The following PTPN3 variants were observed in gnomAD, a reference collection of about 807,000 sequenced individuals.
The protein encoded by PTPN3 is protein tyrosine phosphatase non-receptor type 3.
A neutral mutation model predicts 132.7 loss-of-function variants in PTPN3; 96 were observed. The ratio of observed to expected loss-of-function variants is 0.72; its 90% CI spans 0.61 to 0.86. The LOEUF (loss-of-function observed/expected upper bound fraction) is 0.86, where lower values mean the gene tolerates loss of function less well. Among genes scored for constraint, PTPN3 ranks in the 40% least tolerant of loss-of-function variants. The pLI, the probability that PTPN3 is intolerant of heterozygous loss-of-function variation, is 0.00. For synonymous variants in PTPN3, 398 were observed against 429.0 expected, an observed-to-expected ratio of 0.93 and a Z score of 0.89; for missense variants, 1,125 against 1,159.6, an observed-to-expected ratio of 0.97 and a Z score of 0.43.
In PTPN3 at chr9:109,407,961, C is replaced by T. The variant is rs544171078; in HGVS notation, c.1635+360G>A. Among the ~76,000 whole-genome samples the T allele has an allele frequency of 2.0e-5, 3 of 152,300 alleles. No homozygotes were observed. The East Asian group carries it at 5.8e-4, about 29-fold the overall frequency. Reference sequence around the variant, plus strand: ...AAGATGGTGAGAAGAGGCACAGGGCCCACGTGCCCACTTAGAGTGAGCAGA... The same window carrying T: ...AAGATGGTGAGAAGAGGCACAGGGCTCACGTGCCCACTTAGAGTGAGCAGA... On this transcript the variant is annotated intron_variant, in intron 17 of 25. Coordinates refer to ENST00000374541, the MANE Select transcript of PTPN3 (RefSeq NM_002829.4).
intron 21 of PTPN3, among the ~76,000 whole-genome samples, chr9:109,389,640 A>G (rs1839896121): frequency 6.6e-6 from 1 of 152,244 alleles, no homozygotes; most frequent in Non-Finnish European, 1.5e-5. Flanking sequence ...GTGAGATGGC[A>G]GAAGAGTTTA....
chr9:109,473,464 A>C (rs1368420940), intron 1 of PTPN3, among the ~76,000 whole-genome samples: 1 of 152,240 alleles, frequency 6.6e-6, no homozygotes, highest in African/African-American at 2.4e-5. Context: ...AAAACTAACA[A>C]AATAAAAGTT....
At chr9:109,405,285 AG>A (rs1276693951) in intron 18 of PTPN3, among the ~76,000 whole-genome samples, 1 of 152,054 alleles carries the variant, frequency 6.6e-6, no homozygotes, top group Non-Finnish European at 1.5e-5. Context: ...CTCACGGAGG[AG>A]GTGGGGTCAG....
At chr9:109,523,453 A>G in the PTPN3 span, among the ~76,000 whole-genome samples, 8 of 150,898 alleles carry the variant, frequency 5.3e-5, no homozygotes, top group African/African-American at 2.0e-4. Flanking sequence ...ATGGCTTGAT[A>G]GTCGCATACC....
rs373324462 is a variant in PTPN3 at position 109,472,416 on chromosome 9, T to C, written c.-17-8965A>G. 2.0e-5 allele frequency among the ~76,000 whole-genome samples: 3 copies of C among 152,386 alleles called. No homozygotes were observed. In the South Asian group the frequency reaches 6.2e-4, roughly 32 times the overall value. ...TATCAGGCTTTGAAAATGTTCTTTT[T>C]AAAAATGTTATTTAATATTTTCTGT... On this transcript the variant is annotated intron_variant, in intron 1 of 25. Coordinates refer to ENST00000374541, the MANE Select transcript of PTPN3 (RefSeq NM_002829.4).
At chr9:109,463,764 T>C (rs1845964326) in intron 1 of PTPN3, among the ~76,000 whole-genome samples, 1 of 152,230 alleles carries the variant, frequency 6.6e-6, no homozygotes, top group Admixed American at 6.5e-5. Flanking sequence ...TTTATGTATT[T>C]GTGTTCTACC....
chr9:109,486,451 AG>A (rs34039803), intron 1 of PTPN3, among the ~76,000 whole-genome samples: 1 of 152,096 alleles, frequency 6.6e-6, no homozygotes, highest in Non-Finnish European at 1.5e-5. Context: ...GGAGTGGAAA[AG>A]GGGAGTGGGC....
chr9:109,424,142 ACT>A (rs984763929), intron 12 of PTPN3, among the ~76,000 whole-genome samples: 4 of 151,920 alleles, frequency 2.6e-5, no homozygotes, highest in African/African-American at 9.7e-5. Flanking sequence ...ATTAATAGGG[ACT>A]CTCTGAAAAA....
In PTPN3 at chr9:109,382,300, A is replaced by G. The variant is rs1490866156; in HGVS notation, c.2528+2T>C. On this transcript the variant is annotated splice_donor_variant, in intron 24 of 25. Coordinates refer to ENST00000374541, the MANE Select transcript of PTPN3 (RefSeq NM_002829.4). LOFTEE classifies it high-confidence loss of function. The stretch of plus-strand genomic sequence containing the variant: ...AACCTAACAAAACAGCAAGCGCCAT[A>G]CCTGCAGTGAACTAGGACGGGCTCG... 6.2e-7 allele frequency: 1 copy of G among 1,613,794 alleles called. No individual in the cohort carries two copies. Among genetic ancestry groups the G allele is most frequent in the Admixed American group, 1.7e-5 (1 of 60,000 alleles).
chr9:109,391,372 C>T (rs1840073551), intron 20 of PTPN3, 99 bp downstream of exon 20: 1 of 1,363,162 alleles, frequency 7.3e-7, no homozygotes, highest in Admixed American at 2.0e-5. Flanking sequence ...TGTTTACAGA[C>T]ACACTGAAAA....
In PTPN3 at chr9:109,378,821, A is replaced by C. The variant is rs1260373328; in HGVS notation, c.*735T>G. On this transcript the variant is annotated 3_prime_UTR_variant, in exon 26 of 26. Transcript: ENST00000374541. ...GGCAAGAGACACACCTGCTTCTACA[A>C]CTAAGCCACAAGATGACCAGAACAC... is the stretch of plus-strand genomic sequence containing the variant. 6.5e-6 allele frequency: 1 copy of C among 152,744 alleles called. No homozygotes were observed. The highest frequency in any genetic ancestry group is 1.5e-5 in the Non-Finnish European group (1 of 68,100). The allele number at this position is 152,744 out of a possible 1,614,324, so 9.5% of individuals were successfully genotyped here.
chr9:109,444,466 G>A (rs896871527), intron 7 of PTPN3, among the ~76,000 whole-genome samples: 7 of 152,114 alleles, frequency 4.6e-5, no homozygotes, highest in South Asian at 2.1e-4. Flanking sequence ...AGCCACTAGC[G>A]ACGTGCGGTT....
At position 109,404,580 on chromosome 9, in the gene PTPN3, A is replaced by G; in HGVS notation, c.1821T>C (p.Ser607=). Residue 607 remains serine (S), a synonymous_variant, in exon 19 of 26, where the codon TCT becomes TCC. Transcript: ENST00000374541. ...RAVRSFADFK[S]EDELNQLFPE... ...GGAAAAGCTGGTTCAGTTCATCTTC[A>G]GACTTGAAGTCAGCAAATGAGCGGA... 6.4e-7 allele frequency: 1 copy of G among 1,552,948 alleles called. No individual in the cohort carries two copies. The highest frequency in any genetic ancestry group is 8.8e-7 in the Non-Finnish European group (1 of 1,139,324).
At chr9:109,511,405 G>A in the PTPN3 span, 1 of 153,014 alleles carries the variant, frequency 6.5e-6, no homozygotes, top group Non-Finnish European at 1.5e-5. Flanking sequence ...ACTCTCTGGT[G>A]TCTACACTCC....
chr9:109,404,736 T>C (rs1841420894), intron 18 of PTPN3, 128 bp from the exon 19 acceptor site: 1 of 1,074,732 alleles, frequency 9.3e-7, no homozygotes. Context: ...ATGATTAAGC[T>C]ACATGGTAAT....
At chr9:109,383,335 G>C in intron 23 of PTPN3, 88 bp downstream of exon 23, 1 of 1,603,658 alleles carries the variant, frequency 6.2e-7, no homozygotes, top group Admixed American at 1.7e-5. Context: ...CAAACAGAGT[G>C]CACACCTAGA....
chr9:109,408,476 T>C, intron 16 of PTPN3, 99 bp from the exon 17 acceptor site: 2 of 824,986 alleles, frequency 2.4e-6, no homozygotes, highest in South Asian at 1.8e-5. Flanking sequence ...AACATGGAGG[T>C]ACCAATAAAT....
At chr9:109,425,048 C>T (rs1843141539) in intron 12 of PTPN3, among the ~76,000 whole-genome samples, 1 of 152,150 alleles carries the variant, frequency 6.6e-6, no homozygotes, top group African/African-American at 2.4e-5. Flanking sequence ...GGATCAGGCC[C>T]AACCTAAGTC....
At chr9:109,442,948 T>C (rs1351778320) in intron 7 of PTPN3, among the ~76,000 whole-genome samples, 4 of 152,294 alleles carry the variant, frequency 2.6e-5, no homozygotes, top group Non-Finnish European at 5.9e-5. Flanking sequence ...CACCTTCACA[T>C]TATTGCTTAA....
Sources: allele counts gnomAD v4.1 joint callset (sites outside exome capture counted in the v4.1 genomes callset), GRCh38; gene constraint gnomAD v4.1.1; transcripts MANE v1.5; gene names NCBI Gene and HGNC (gene_info 2026-07-23, HGNC 2026-07-21).